CSMD2: variants seen among roughly 807,000 people sequenced by gnomAD.
The protein encoded by CSMD2 is CUB and Sushi multiple domains 2, also known as CUB and sushi domain-containing protein 2.
Under a neutral mutation model 398.5 loss-of-function variants are expected in CSMD2, and 130 were observed. The ratio of observed to expected loss-of-function variants is 0.33; its 90% confidence interval spans 0.28 to 0.38. The LOEUF is 0.38. Ranked by LOEUF, CSMD2 falls within the 10% of genes least tolerant of loss-of-function variation. The pLI, the probability that CSMD2 is intolerant of heterozygous loss-of-function variation, is 1.00. For synonymous variants in CSMD2, 1,828 were observed against 1,908.5 expected, an observed-to-expected ratio of 0.96 and a Z score of 1.10; for missense variants, 3,829 against 4,764.9, an observed-to-expected ratio of 0.80 and a Z score of 5.78.
At chr1:33,869,784 C>G (rs926036024) in intron 5 of CSMD2, among the ~76,000 whole-genome samples, 2 of 152,158 alleles carry the variant, frequency 1.3e-5, no homozygotes, top group Non-Finnish European at 2.9e-5. Flanking sequence ...GCCCTCCCCA[C>G]TCTCCCTTTC....
chr1:34,084,106 A>G (rs1158012463), intron 2 of CSMD2, among the ~76,000 whole-genome samples: 1 of 152,168 alleles, frequency 6.6e-6, no homozygotes, highest in Admixed American at 6.5e-5. Context: ...GGAAAACCCA[A>G]TGAAGGTTCA....
intron 11 of CSMD2, among the ~76,000 whole-genome samples, chr1:33,790,305 T>G (rs947144584): frequency 1.3e-5 from 2 of 152,206 alleles, no homozygotes; most frequent in Non-Finnish European, 2.9e-5. Flanking sequence ...AGATGAACAC[T>G]GAAATCGACA....
At chr1:34,102,852 G>T (rs921769474) in intron 1 of CSMD2, among the ~76,000 whole-genome samples, 1 of 152,102 alleles carries the variant, frequency 6.6e-6, no homozygotes, top group Non-Finnish European at 1.5e-5. Context: ...GGTGTTCCTG[G>T]TGCCTGCTTT....
At chr1:33,674,522 C>A (rs919959697) in intron 25 of CSMD2, among the ~76,000 whole-genome samples, 1 of 152,120 alleles carries the variant, frequency 6.6e-6, no homozygotes, top group African/African-American at 2.4e-5. Flanking sequence ...GACTTTAACA[C>A]CCCACTGTCA....
At chr1:33,532,609 C>T (rs1655349340) in intron 64 of CSMD2, among the ~76,000 whole-genome samples, 1 of 152,232 alleles carries the variant, frequency 6.6e-6, no homozygotes, top group Non-Finnish European at 1.5e-5. Context: ...CTGAATCCCT[C>T]ATGCCTAGCG....
At chr1:34,052,671 C>T (rs886279792) in intron 2 of CSMD2, among the ~76,000 whole-genome samples, 5 of 152,088 alleles carry the variant, frequency 3.3e-5, no homozygotes, top group Non-Finnish European at 7.3e-5. Flanking sequence ...TATCTGAATG[C>T]AAACTCCATT....
chr1:33,940,951 T>C (rs1291893244), intron 3 of CSMD2, among the ~76,000 whole-genome samples: 1 of 152,220 alleles, frequency 6.6e-6, no homozygotes, highest in Non-Finnish European at 1.5e-5. Flanking sequence ...GGAGATAAGC[T>C]ACAAAGCGAA....
At chr1:33,746,933 A>G (rs1647464402) in intron 13 of CSMD2, among the ~76,000 whole-genome samples, 1 of 152,230 alleles carries the variant, frequency 6.6e-6, no homozygotes, top group African/African-American at 2.4e-5. Flanking sequence ...ACAGAGAAAC[A>G]TACTGTGCTG....
At chr1:34,072,629 G>T (rs1232605109) in intron 2 of CSMD2, among the ~76,000 whole-genome samples, 3 of 152,182 alleles carry the variant, frequency 2.0e-5, no homozygotes, top group Non-Finnish European at 4.4e-5. Flanking sequence ...GCTCCAGGGG[G>T]TGTTAAATTT....
chr1:33,662,036 G>A (rs1332298785), intron 26 of CSMD2, among the ~76,000 whole-genome samples: 1 of 152,178 alleles, frequency 6.6e-6, no homozygotes, highest in Non-Finnish European at 1.5e-5. Flanking sequence ...TGATCAGGGG[G>A]AGGAATGATG....
chr1:34,029,860 T>G (rs1464955497), intron 3 of CSMD2, among the ~76,000 whole-genome samples: 1 of 152,216 alleles, frequency 6.6e-6, no homozygotes, highest in Non-Finnish European at 1.5e-5. Flanking sequence ...CCTGACATCA[T>G]TATGTGGCTG....
chr1:34,153,473 TC>T (rs1640516959), intron 1 of CSMD2, among the ~76,000 whole-genome samples: 1 of 152,240 alleles, frequency 6.6e-6, no homozygotes, highest in Non-Finnish European at 1.5e-5. Context: ...ATGGGTTGCT[TC>T]CGCCATTTGG....
intron 25 of CSMD2, among the ~76,000 whole-genome samples, chr1:33,676,946 T>C (rs1644734336): frequency 6.6e-6 from 1 of 152,160 alleles, no homozygotes; most frequent in African/African-American, 2.4e-5. Flanking sequence ...TTACACCTTA[T>C]ACAAAAATTA....
intron 3 of CSMD2, among the ~76,000 whole-genome samples, chr1:33,936,387 A>C (rs1442860731): frequency 3.3e-5 from 5 of 152,212 alleles, no homozygotes; most frequent in Non-Finnish European, 7.3e-5. Context: ...TGCTCATTAA[A>C]TCCAGTGTCC....
rs1653549711 is a variant in CSMD2, at chr1:33,514,190, T to C, written c.*2434A>G. 1 of 151,378 alleles carries C rather than the reference T, an allele frequency of 6.6e-6. No homozygotes were observed. Among genetic ancestry groups the C allele is most frequent in the Admixed American group, 6.6e-5 (1 of 15,142 alleles). 9.4% of individuals were successfully genotyped at this position (151,378 alleles called of 1,614,324 possible). A position where few individuals can be genotyped will look rare whatever the true frequency, so the allele number is the denominator to read the frequency against. On this transcript the variant is annotated 3_prime_UTR_variant, in exon 71 of 71. Coordinates refer to ENST00000373381, the MANE Select transcript of CSMD2 (RefSeq NM_001281956.2). ...ATTACATATTTACAGCACTTGATGT[T>C]TTCTGAAAACCATATTTATACATTT...
chr1:33,694,845 T>C (rs563466882), intron 24 of CSMD2, among the ~76,000 whole-genome samples: 176 of 152,144 alleles, frequency 1.2e-3, no homozygotes, highest in African/African-American at 4.0e-3. Context: ...GGGAGGAACA[T>C]GCAAGTACTT....
rs1641477768 is a variant in CSMD2, at chr1:33,617,580, G to A, written c.5865C>T (p.Pro1955=). 6.2e-6 allele frequency: 10 copies of A among 1,614,086 alleles called. No individual in the cohort carries two copies. The highest frequency in any genetic ancestry group is 1.7e-5 in the Admixed American group (1 of 60,014). ...GLSSCPEPAV[P]SNGVKTGERY... ...GCTCGCCAGTCTTCACCCCGTTACT[G>A]GGCACAGCAGGTTCCGGACAACTGC... Residue 1955 remains proline (P), a synonymous_variant, in exon 38 of 71, where the codon CCC becomes CCT. Coordinates refer to ENST00000373381, the MANE Select transcript of CSMD2 (RefSeq NM_001281956.2).
intron 2 of CSMD2, among the ~76,000 whole-genome samples, chr1:34,045,405 T>C (rs1392430950): frequency 1.3e-5 from 2 of 152,208 alleles, no homozygotes; most frequent in Admixed American, 1.3e-4. Context: ...CTGGAGATCC[T>C]TGTAATAAAC....
chr1:33,571,534 C>A lies in CSMD2; in HGVS notation c.7955G>T (p.Arg2652Leu). 2 of 1,451,768 alleles carry A rather than the reference C, an allele frequency of 1.4e-6. No individual in the cohort carries two copies. Among genetic ancestry groups the A allele is most frequent in the Non-Finnish European group, 1.8e-6 (2 of 1,083,408 alleles). The allele number at this position is 1,451,768 out of a possible 1,614,324, so 89.9% of individuals were successfully genotyped here. A position where few individuals can be genotyped will look rare whatever the true frequency, so the allele number is the denominator to read the frequency against. ...CCACCCTCCCTTCCTGGGCTTACTT[C>A]GGCAGGTGGGCGTAGAGTCCCCGAG... Reference protein sequence around the residue: ...WSLGDSTPTCRIISCGELPIP... With the variant: ...WSLGDSTPTCLIISCGELPIP... Residue 2652 changes from arginine to leucine, a missense_variant and splice_region_variant, in exon 51 of 71, where the codon CGA (arginine) becomes CTA (leucine). Physicochemically the swap from Arg to Leu is moderately radical, Grantham distance 102. Around this residue, in one of 5 missense-constraint regions of CSMD2, gnomAD observed 723 missense variants for 758.6 expected, o/e 0.95. Coordinates refer to ENST00000373381, the MANE Select transcript of CSMD2 (RefSeq NM_001281956.2).
Sources: allele counts gnomAD v4.1 joint callset (sites outside exome capture counted in the v4.1 genomes callset), GRCh38; gene constraint gnomAD v4.1.1; regional missense constraint gnomAD v4.1.1; transcripts MANE v1.5; gene names NCBI Gene and HGNC (gene_info 2026-07-23, HGNC 2026-07-21).